Variants in PRKRA observed in about 807,000 individuals in gnomAD.
The protein encoded by PRKRA is protein activator of interferon induced protein kinase EIF2AK2, also known as interferon-inducible double-stranded RNA-dependent protein kinase activator A.
PRKRA carries 22 observed loss-of-function variants against 32.4 expected under a neutral mutation model. The ratio of observed to expected loss-of-function variants is 0.68; its 90% CI spans 0.49 to 0.97. PRKRA has a LOEUF of 0.97. PRKRA is among the 50% of genes least tolerant of loss of function. The pLI is 0.00. For missense variants in PRKRA, 319 were observed against 375.6 expected (o/e 0.85, Z 1.25); for synonymous variants, 139 against 129.8 (o/e 1.07, Z -0.48).
At chr2:178,444,671 A>G (rs575758053) in intron 3 of PRKRA, among the ~76,000 whole-genome samples, 171 bp from the exon 4 acceptor site, 6 of 152,314 alleles carry the variant, frequency 3.9e-5, no homozygotes, top group Admixed American at 2.6e-4. Flanking sequence ...CATCCAAGAT[A>G]TATCTCAAAT....
intron 6 of PRKRA, among the ~76,000 whole-genome samples, chr2:178,437,157 A>G (rs2059691): frequency 0.72 from 109,522 of 152,048 alleles, 39,709 homozygotes; most frequent in South Asian, 0.86. Flanking sequence ...TAAGTAATTT[A>G]TTAGATTTAC....
chr2:178,443,208 C>T (rs1424713636), intron 5 of PRKRA, 59 bp downstream of exon 5: 45 of 938,242 alleles, frequency 4.8e-5, no homozygotes, highest in East Asian at 1.4e-4. Flanking sequence ...ACAGAAATTT[C>T]GATAGTCATT....
intron 3 of PRKRA, 87 bp downstream of exon 3, chr2:178,447,418 T>C: frequency 1.5e-6 from 2 of 1,343,630 alleles, no homozygotes; most frequent in Admixed American, 2.3e-5. Flanking sequence ...CTGTTCACTT[T>C]GTTGCTTTTG....
chr2:178,444,397 G>A (rs769571247), intron 4 of PRKRA, 25 bp downstream of exon 4: 43 of 788,666 alleles, frequency 5.5e-5, no homozygotes, highest in Non-Finnish European at 7.9e-5. Flanking sequence ...TATTTCATCA[G>A]TAGGCAAAGA....
chr2:178,436,326 A>C lies in PRKRA; in HGVS notation c.610-7T>G. The C allele has an allele frequency of 1.2e-6, 2 of 1,611,822 alleles. No individual in the cohort carries two copies. Among genetic ancestry groups the C allele is most frequent in the Non-Finnish European group, 1.7e-6 (2 of 1,178,496 alleles). ...AATGTCCTACTACATTTGTCTGAAA[A>C]ACAGAGATGAAGATTTAGACTCTTG... On this transcript the variant is annotated splice_polypyrimidine_tract_variant and splice_region_variant and intron_variant, in intron 6 of 7. Transcript: ENST00000325748.
intron 1 of PRKRA, chr2:178,450,757 C>G (rs1487770045): frequency 7.4e-7 from 1 of 1,345,000 alleles, no homozygotes; most frequent in Non-Finnish European, 9.5e-7. Context: ...GCCCGCCCCG[C>G]GCGCCGCCAG....
chr2:178,445,153 T>C (rs1001909375), intron 3 of PRKRA, among the ~76,000 whole-genome samples: 5 of 152,220 alleles, frequency 3.3e-5, no homozygotes, highest in African/African-American at 7.2e-5. Flanking sequence ...AGAAAATAGA[T>C]GGCTTAGATG....
At chr2:178,444,279 GCT>G in intron 4 of PRKRA, 141 bp downstream of exon 4, 1 of 708,068 alleles carries the variant, frequency 1.4e-6, no homozygotes, top group Non-Finnish European at 2.4e-6. Context: ...TTTCAAGTTA[GCT>G]CTGTTAATCT....
Position 178,451,163 on chromosome 2 carries a change from G to T in PRKRA, c.-133C>A. 20 of 862,132 alleles carry T rather than the reference G, an allele frequency of 2.3e-5. No individual in the cohort carries two copies. Among genetic ancestry groups the T allele is most frequent in the Non-Finnish European group, 3.1e-5 (19 of 603,712 alleles). The allele number at this position is 862,132 out of a possible 1,614,324, so 53.4% of individuals were successfully genotyped here. ...GACTCCCCCGCCTCCTGCTTGCGTT[G>T]CTCCAGCGAGGGGGCAGGCAGGGTG... On this transcript the variant is annotated 5_prime_UTR_variant, in exon 1 of 8. Transcript: ENST00000325748.
intron 3 of PRKRA, among the ~76,000 whole-genome samples, chr2:178,445,189 A>G (rs983944683): frequency 1.3e-5 from 2 of 152,212 alleles, no homozygotes; most frequent in Admixed American, 6.5e-5. Context: ...AGTGGGGATT[A>G]TGATTAGGGA....
At chr2:178,442,667 C>T (rs1697161597) in intron 5 of PRKRA, among the ~76,000 whole-genome samples, 2 of 152,208 alleles carry the variant, frequency 1.3e-5, no homozygotes, top group African/African-American at 4.8e-5. Context: ...TTACTTGAAA[C>T]TATTATCTAG....
Position 178,431,962 on chromosome 2 carries a change from A to C in PRKRA, c.*135T>G. The C allele has an allele frequency of 9.4e-7, 1 of 1,062,930 alleles. No homozygotes were observed. Among genetic ancestry groups the C allele is most frequent in the Non-Finnish European group, 1.4e-6 (1 of 718,386 alleles). 65.8% of individuals were successfully genotyped at this position (1,062,930 alleles called of 1,614,324 possible). A position where few individuals can be genotyped will look rare whatever the true frequency, so the allele number is the denominator to read the frequency against. ...AATAACAACTATGAGGAGATAATTA[A>C]ATCTGGAGTGTTGATGGAATCTATG... is the stretch of plus-strand genomic sequence containing the variant. On this transcript the variant is annotated 3_prime_UTR_variant, in exon 8 of 8. Transcript: ENST00000325748.
intron 2 of PRKRA, 191 bp downstream of exon 2, chr2:178,450,051 T>A: frequency 1.3e-6 from 1 of 771,068 alleles, no homozygotes; most frequent in Non-Finnish European, 2.2e-6. Flanking sequence ...CCTTGGTATG[T>A]GGGGAAGAGA....
chr2:178,444,009 A>AT (rs552340902), intron 4 of PRKRA: 1,984 of 169,084 alleles, frequency 0.012, 8 homozygotes, highest in South Asian at 0.041. Context: ...TATAGATAAA[A>AT]TTTTTTTTTT....
chr2:178,450,757 C>T, intron 1 of PRKRA: 1 of 1,345,000 alleles, frequency 7.4e-7, no homozygotes, highest in Admixed American at 3.6e-5. Flanking sequence ...GCCCGCCCCG[C>T]GCGCCGCCAG....
chr2:178,450,270 T>A lies in PRKRA; in HGVS notation c.207A>T (p.Arg69Ser). ...VQIHVPTFTF[R>S]VTVGDITCTG... ...TGCAGGTTATGTCACCAACGGTTACTCTGAAGGTGAAAGTGGGCACGTGTA... is the reference window on the plus strand; with the variant it reads ...TGCAGGTTATGTCACCAACGGTTACACTGAAGGTGAAAGTGGGCACGTGTA... The change falls in exon 2 of 8, where the codon AGA becomes AGT. Residue 69 changes from arginine to serine, a missense_variant. Physicochemically the swap from Arg to Ser is moderately radical, Grantham distance 110. Coordinates refer to ENST00000325748, the MANE Select transcript of PRKRA (RefSeq NM_003690.5). The A allele has an allele frequency of 6.2e-7, 1 of 1,614,296 alleles. No homozygotes were observed. Among genetic ancestry groups the A allele is most frequent in the Non-Finnish European group, 8.5e-7 (1 of 1,180,054 alleles).
Position 178,450,335 on chromosome 2 carries a change from T to A in PRKRA, c.142A>T (p.Asn48Tyr). ...VLHEYGMKTK[N>Y]IPVYECERSD... ...CTTTCACATTCATAAACTGGGATGTTCTTGGTCTTCATGCCGTATTCGTGT... is the reference window on the plus strand; with the variant it reads ...CTTTCACATTCATAAACTGGGATGTACTTGGTCTTCATGCCGTATTCGTGT... Residue 48 changes from asparagine to tyrosine, a missense_variant, in exon 2 of 8, where the codon AAC becomes TAC. Physicochemically the swap from Asn to Tyr is moderately radical, Grantham distance 143. Coordinates refer to ENST00000325748, the MANE Select transcript of PRKRA (RefSeq NM_003690.5). The A allele has an allele frequency of 1.2e-6, 2 of 1,614,274 alleles. No individual in the cohort carries two copies. The highest frequency in any genetic ancestry group is 1.7e-6 in the Non-Finnish European group (2 of 1,180,048).
intron 1 of PRKRA, chr2:178,450,663 A>T: frequency 7.0e-7 from 1 of 1,433,330 alleles, no homozygotes; most frequent in South Asian, 1.5e-5. Flanking sequence ...GATTCTCAAC[A>T]GAACAGGGCT....
At chr2:178,433,111 G>C (rs1047633573) in intron 7 of PRKRA, among the ~76,000 whole-genome samples, 3 of 152,226 alleles carry the variant, frequency 2.0e-5, no homozygotes, top group African/African-American at 7.2e-5. Flanking sequence ...AGGCTTTCTA[G>C]TTCTAGTATC....
Sources: allele counts gnomAD v4.1 joint callset (sites outside exome capture counted in the v4.1 genomes callset), GRCh38; gene constraint gnomAD v4.1.1; transcripts MANE v1.5; gene names NCBI Gene and HGNC (gene_info 2026-07-23, HGNC 2026-07-21).